Variants in MAGI2 observed in about 807,000 individuals in gnomAD.
MAGI2 encodes membrane-associated guanylate kinase, WW and PDZ domain-containing protein 2.
In MAGI2, 35 loss-of-function variants were observed where a neutral mutation model predicts 133.3. That is an observed-to-expected ratio of 0.26 (90% CI 0.20 to 0.35). The LOEUF is 0.35. MAGI2 is among the 10% of genes least tolerant of loss of function. The pLI is 1.00. For synonymous variants in MAGI2, 729 were observed against 710.6 expected (o/e 1.03, Z -0.41); for missense variants, 1,636 against 1,863.4 (o/e 0.88, Z 2.25).
intron 1 of MAGI2, among the ~76,000 whole-genome samples, chr7:79,213,991 A>C (rs1252675025): frequency 6.6e-6 from 1 of 152,034 alleles, no homozygotes; most frequent in Non-Finnish European, 1.5e-5. Flanking sequence ...CAAAATGATA[A>C]GAGGAAACAT....
chr7:78,464,119 T>C (rs1345454863), intron 6 of MAGI2, among the ~76,000 whole-genome samples: 1 of 152,174 alleles, frequency 6.6e-6, no homozygotes, highest in Non-Finnish European at 1.5e-5. Flanking sequence ...TTGCTATCTT[T>C]AGCATCATCA....
chr7:78,248,196 T>C (rs1207172199), intron 10 of MAGI2, among the ~76,000 whole-genome samples: 1 of 152,170 alleles, frequency 6.6e-6, no homozygotes, highest in African/African-American at 2.4e-5. Flanking sequence ...AAGTCTTTCC[T>C]GAACAAGCAA....
chr7:78,165,235 G>A (rs1825509062), intron 15 of MAGI2, among the ~76,000 whole-genome samples: 1 of 152,134 alleles, frequency 6.6e-6, no homozygotes, highest in African/African-American at 2.4e-5. Flanking sequence ...TGAGGCAGAA[G>A]GATCACTTGA....
intron 3 of MAGI2, among the ~76,000 whole-genome samples, chr7:78,550,673 G>A (rs1314989313): frequency 3.9e-5 from 6 of 151,954 alleles, no homozygotes; most frequent in African/African-American, 1.5e-4. Context: ...TGTGATCCTT[G>A]ATACTGTTTT....
chr7:78,556,657 T>G, intron 3 of MAGI2, among the ~76,000 whole-genome samples: 1 of 152,182 alleles, frequency 6.6e-6, no homozygotes, highest in East Asian at 1.9e-4. Context: ...AGCAACCGTT[T>G]TGCTCACTAT....
At chr7:78,310,615 T>C (rs1798621178) in intron 9 of MAGI2, among the ~76,000 whole-genome samples, 1 of 152,134 alleles carries the variant, frequency 6.6e-6, no homozygotes, top group South Asian at 2.1e-4. Flanking sequence ...GTAAAGATGC[T>C]GGGAGTAGGG....
Position 79,221,645 on chromosome 7 carries a change from A to G in MAGI2, c.302-214439T>C, listed in dbSNP as rs78139697. Among the ~76,000 whole-genome samples, 95 of 152,166 alleles carry G rather than the reference A, an allele frequency of 6.2e-4. 1 individual carries two copies. The highest frequency in any genetic ancestry group is 4.4e-3 in the East Asian group (23 of 5,180). On this transcript the variant is annotated intron_variant, in intron 1 of 21. Transcript: ENST00000354212. ...TGGGGAAGGCTTAAATACAAGGTTC[A>G]TCAGATTATTTTGCTTTCACTTTTA...
intron 6 of MAGI2, chr7:78,487,125 G>A (rs144758801): frequency 3.2e-4 from 76 of 234,008 alleles, no homozygotes; most frequent in South Asian, 1.6e-3. Flanking sequence ...ACTGCTTCCC[G>A]GGACACCTTC....
In MAGI2 at chr7:78,135,224, G is replaced by T. The variant is rs544386333; in HGVS notation, c.2846-18C>A. 260 of 1,607,244 alleles carry T rather than the reference G, an allele frequency of 1.6e-4. No homozygotes were observed. The South Asian group carries it at 2.0e-3, about 13-fold the overall frequency. Reference sequence around the variant, plus strand: ...GGGCACAGCTAAAAAAACCCCAACAGAAATAGGTATCAGGGACATCACCAA... The same window carrying T: ...GGGCACAGCTAAAAAAACCCCAACATAAATAGGTATCAGGGACATCACCAA... On this transcript the variant is annotated intron_variant, in intron 16 of 21. Coordinates refer to ENST00000354212, the MANE Select transcript of MAGI2 (RefSeq NM_012301.4).
At chr7:78,682,701 A>G (rs1184338542) in intron 2 of MAGI2, among the ~76,000 whole-genome samples, 1 of 152,144 alleles carries the variant, frequency 6.6e-6, no homozygotes, top group Non-Finnish European at 1.5e-5. Context: ...ATGTGTCTTT[A>G]TAGTAGTGGA....
intron 2 of MAGI2, among the ~76,000 whole-genome samples, chr7:78,958,064 T>C (rs1488865013): frequency 6.6e-6 from 1 of 152,210 alleles, no homozygotes; most frequent in Non-Finnish European, 1.5e-5. Context: ...TATGTTTACC[T>C]GGCAGGGGAA....
intron 12 of MAGI2, among the ~76,000 whole-genome samples, chr7:78,188,757 A>G (rs992869470): frequency 6.6e-6 from 1 of 152,154 alleles, no homozygotes. Flanking sequence ...TGATCACCTA[A>G]TAGCTGCCTG....
intron 9 of MAGI2, among the ~76,000 whole-genome samples, chr7:78,268,445 A>G (rs1194746842): frequency 6.6e-6 from 1 of 152,186 alleles, no homozygotes; most frequent in Admixed American, 6.5e-5. Flanking sequence ...CCAAGAAGTC[A>G]GTCAAGCATT....
intron 6 of MAGI2, among the ~76,000 whole-genome samples, chr7:78,407,384 A>AT (rs1797476111): frequency 6.6e-6 from 1 of 151,964 alleles, no homozygotes; most frequent in African/African-American, 2.4e-5. Flanking sequence ...AAAATATCAA[A>AT]TAAAAAAAAA....
chr7:79,390,741 C>A (rs1189156855), intron 1 of MAGI2, among the ~76,000 whole-genome samples: 2 of 152,152 alleles, frequency 1.3e-5, no homozygotes, highest in East Asian at 3.9e-4. Flanking sequence ...ATTTTATGAA[C>A]TCAAGTCATA....
At chr7:78,074,511 G>A (rs142310585) in intron 21 of MAGI2, among the ~76,000 whole-genome samples, 16 of 151,972 alleles carry the variant, frequency 1.1e-4, no homozygotes, top group East Asian at 7.7e-4. Context: ...AAAAAAAATC[G>A]GTTTTCCCAT....
intron 2 of MAGI2, among the ~76,000 whole-genome samples, chr7:78,768,012 A>AC (rs1401771275): frequency 1.3e-5 from 2 of 152,184 alleles, no homozygotes; most frequent in African/African-American, 4.8e-5. Context: ...ACTATTTTCT[A>AC]CAGTTTAGTT....
intron 1 of MAGI2, among the ~76,000 whole-genome samples, chr7:79,237,483 C>T (rs1389636185): frequency 6.6e-6 from 1 of 152,126 alleles, no homozygotes; most frequent in South Asian, 2.1e-4. Flanking sequence ...TCAAGTTAGA[C>T]CATGCATGCA....
At chr7:78,734,417 G>A (rs1821652190) in intron 2 of MAGI2, among the ~76,000 whole-genome samples, 1 of 152,124 alleles carries the variant, frequency 6.6e-6, no homozygotes, top group Non-Finnish European at 1.5e-5. Flanking sequence ...AGAGGCTTAT[G>A]TTCTTGACCT....
Sources: allele counts gnomAD v4.1 joint callset (sites outside exome capture counted in the v4.1 genomes callset), GRCh38; gene constraint gnomAD v4.1.1; transcripts MANE v1.5; gene names NCBI Gene and HGNC (gene_info 2026-07-23, HGNC 2026-07-21).